SLC24A3: variants seen among roughly 807,000 people sequenced by gnomAD.
The protein encoded by SLC24A3 is solute carrier family 24 member 3.
Under a neutral mutation model 75.8 loss-of-function variants are expected in SLC24A3, and 28 were observed. That is an observed-to-expected ratio of 0.37 (90% CI 0.27 to 0.51). SLC24A3 has a LOEUF of 0.51. Among genes scored for constraint, SLC24A3 ranks in the 20% least tolerant of loss-of-function variants. The pLI is 0.94. For missense variants in SLC24A3, 663 were observed against 847.8 expected, an observed-to-expected ratio of 0.78 and a Z score of 2.71; for synonymous variants, 372 against 334.1, an observed-to-expected ratio of 1.11 and a Z score of -1.24.
At chr20:19,288,792 C>T (rs1163235984) in intron 2 of SLC24A3, among the ~76,000 whole-genome samples, 1 of 152,200 alleles carries the variant, frequency 6.6e-6, no homozygotes, top group African/African-American at 2.4e-5. Context: ...CAGGGCTCAA[C>T]AAACAAGAGC....
chr20:19,452,544 AT>A (rs1987505227), intron 2 of SLC24A3, among the ~76,000 whole-genome samples: 1 of 151,970 alleles, frequency 6.6e-6, no homozygotes, highest in African/African-American at 2.4e-5. Flanking sequence ...GGAGTTGGAA[AT>A]AGTCAGAGGG....
intron 1 of SLC24A3, among the ~76,000 whole-genome samples, chr20:19,244,933 GT>G (rs2122170269): frequency 6.6e-6 from 1 of 152,298 alleles, no homozygotes; most frequent in East Asian, 1.9e-4. Context: ...GCCCATCTCA[GT>G]AAACAAGAAA....
intron 6 of SLC24A3, among the ~76,000 whole-genome samples, chr20:19,619,987 G>A (rs1327396346): frequency 6.6e-6 from 1 of 152,094 alleles, no homozygotes; most frequent in African/African-American, 2.4e-5. Context: ...AATCTCCTAT[G>A]ACTCACCAAA....
intron 1 of SLC24A3, among the ~76,000 whole-genome samples, chr20:19,252,643 C>CGGGGGGG (rs35974779): frequency 1.2e-3 from 158 of 133,012 alleles, no homozygotes; most frequent in South Asian, 2.1e-3. Context: ...ATTGGAATGG[C>CGGGGGGG]GGGGGGGGGT....
intron 2 of SLC24A3, among the ~76,000 whole-genome samples, chr20:19,406,663 A>T (rs1470334887): frequency 6.6e-6 from 1 of 152,156 alleles, no homozygotes; most frequent in African/African-American, 2.4e-5. Context: ...TGGCAGACAG[A>T]CTGAAAGGTA....
At chr20:19,554,125 A>G (rs1487362941) in intron 3 of SLC24A3, among the ~76,000 whole-genome samples, 1 of 152,212 alleles carries the variant, frequency 6.6e-6, no homozygotes, top group Admixed American at 6.5e-5. Flanking sequence ...GCTCAGGCAC[A>G]TGTGAAAGTG....
rs1409112879 is a variant in SLC24A3 at position 19,281,107 on chromosome 20, A to G, written c.271+20A>G. 1.2e-6 allele frequency: 2 copies of G among 1,613,060 alleles called. No homozygotes were observed. The highest frequency in any genetic ancestry group is 2.2e-5 in the East Asian group (1 of 44,858). ...AACCAGGTAACAGTGCTGACTACTC[A>G]TGGGCAGCAGCTGTCATTTTCTCTG... is the stretch of plus-strand genomic sequence containing the variant. On this transcript the variant is annotated intron_variant, in intron 2 of 16. Coordinates refer to ENST00000328041, the MANE Select transcript of SLC24A3 (RefSeq NM_020689.4).
chr20:19,262,429 A>G (rs914743180), intron 1 of SLC24A3, among the ~76,000 whole-genome samples: 1 of 151,144 alleles, frequency 6.6e-6, no homozygotes, highest in East Asian at 1.9e-4. Flanking sequence ...AAAAAAAAGA[A>G]AGAGAGAGAA....
chr20:19,294,234 A>G (rs6045970), intron 2 of SLC24A3, among the ~76,000 whole-genome samples: 9,044 of 152,206 alleles, frequency 0.059, 592 homozygotes, highest in African/African-American at 0.17. Context: ...CATTTTAATT[A>G]ATTACTCTAG....
At chr20:19,258,223 C>T (rs1982873764) in intron 1 of SLC24A3, among the ~76,000 whole-genome samples, 1 of 152,188 alleles carries the variant, frequency 6.6e-6, no homozygotes, top group African/African-American at 2.4e-5. Flanking sequence ...CTGCCTCTGC[C>T]CTCACAGCTC....
At chr20:19,363,935 A>G (rs773547135) in intron 2 of SLC24A3, among the ~76,000 whole-genome samples, 1 of 152,032 alleles carries the variant, frequency 6.6e-6, no homozygotes, top group Non-Finnish European at 1.5e-5. Context: ...GGGGAGACAG[A>G]CTTGGTCAGG....
At chr20:19,461,579 C>T (rs934011861) in intron 2 of SLC24A3, among the ~76,000 whole-genome samples, 3 of 130,630 alleles carry the variant, frequency 2.3e-5, no homozygotes, top group Non-Finnish European at 3.1e-5. Flanking sequence ...GTCGCCCAGG[C>T]TAGAGTGCAG....
intron 3 of SLC24A3, among the ~76,000 whole-genome samples, chr20:19,559,479 G>T (rs1002504780): frequency 6.6e-6 from 1 of 152,000 alleles, no homozygotes; most frequent in African/African-American, 2.4e-5. Flanking sequence ...GTTTGGTTTC[G>T]TTTGATGTGG....
intron 14 of SLC24A3, among the ~76,000 whole-genome samples, chr20:19,697,264 C>G (rs2032820583): frequency 1.3e-5 from 2 of 152,126 alleles, no homozygotes; most frequent in African/African-American, 4.8e-5. Context: ...CACCCATAGC[C>G]CCTTCTGGAG....
chr20:19,381,310 A>C (rs1986176501), intron 2 of SLC24A3, among the ~76,000 whole-genome samples: 1 of 152,198 alleles, frequency 6.6e-6, no homozygotes, highest in African/African-American at 2.4e-5. Flanking sequence ...AGAATAAACA[A>C]ATAAAATTAA....
chr20:19,460,926 G>T (rs1568624413), intron 2 of SLC24A3, among the ~76,000 whole-genome samples: 1 of 152,212 alleles, frequency 6.6e-6, no homozygotes, highest in Non-Finnish European at 1.5e-5. Flanking sequence ...CCATGAGTGA[G>T]GGGAAGGGTT....
intron 6 of SLC24A3, among the ~76,000 whole-genome samples, chr20:19,621,356 T>G (rs924680783): frequency 2.0e-5 from 3 of 152,150 alleles, no homozygotes; most frequent in African/African-American, 7.2e-5. Context: ...CAGTAACCCC[T>G]TAGCCCTTAG....
At chr20:19,442,771 C>T (rs6035339) in intron 2 of SLC24A3, among the ~76,000 whole-genome samples, 57,407 of 151,826 alleles carry the variant, frequency 0.38, 10,984 homozygotes, top group East Asian at 0.46. Flanking sequence ...CATCACCAAA[C>T]CCAAGGTCAC....
At chr20:19,534,684 C>G (rs1412733116) in intron 3 of SLC24A3, among the ~76,000 whole-genome samples, 1 of 152,154 alleles carries the variant, frequency 6.6e-6, no homozygotes, top group Non-Finnish European at 1.5e-5. Context: ...GAATTACAGG[C>G]CTGAGCCACC....
Sources: gnomAD v4.1 joint callset for allele counts (sites outside exome capture counted in the v4.1 genomes callset) on GRCh38, gnomAD v4.1.1 for gene constraint, MANE v1.5 for transcripts, NCBI Gene and HGNC (gene_info 2026-07-23, HGNC 2026-07-21) for gene names.